The following MIPOL1 variants were observed in gnomAD, a reference collection of about 807,000 sequenced individuals.
The protein encoded by MIPOL1 is mirror-image polydactyly 1, also known as mirror-image polydactyly gene 1 protein.
Under a neutral mutation model 60.9 loss-of-function variants are expected in MIPOL1, and 57 were observed. The observed-to-expected ratio is 0.94, with a 90% CI of 0.76 to 1.17. The LOEUF (loss-of-function observed/expected upper bound fraction) is 1.17, where lower values mean the gene tolerates loss of function less well. Among genes scored for constraint, MIPOL1 ranks in the 50% most tolerant of loss-of-function variants. The pLI, the probability that MIPOL1 is intolerant of heterozygous loss-of-function variation, is 0.00. For missense variants in MIPOL1, 551 were observed against 511.6 expected (o/e 1.08, Z -0.74); for synonymous variants, 179 against 168.8 (o/e 1.06, Z -0.47).
At chr14:37,389,929 G>T (rs1458167523) in intron 10 of MIPOL1, among the ~76,000 whole-genome samples, 1 of 151,898 alleles carries the variant, frequency 6.6e-6, no homozygotes, top group Non-Finnish European at 1.5e-5. Flanking sequence ...GGCTGGGCAC[G>T]GTGGCTCACA....
chr14:37,422,505 C>T (rs2093890851), intron 10 of MIPOL1, among the ~76,000 whole-genome samples: 1 of 151,660 alleles, frequency 6.6e-6, no homozygotes, highest in Non-Finnish European at 1.5e-5. Context: ...TGTGAAACAC[C>T]CATTGTACTT....
At chr14:37,476,839 T>A (rs2094781836) in intron 11 of MIPOL1, among the ~76,000 whole-genome samples, 1 of 151,888 alleles carries the variant, frequency 6.6e-6, no homozygotes, top group Admixed American at 6.6e-5. Context: ...TAATATTTTG[T>A]TTAGGGTTTT....
intron 10 of MIPOL1, among the ~76,000 whole-genome samples, chr14:37,390,703 TAAC>T (rs2093212893): frequency 6.6e-6 from 1 of 151,962 alleles, no homozygotes; most frequent in Non-Finnish European, 1.5e-5. Flanking sequence ...GTAAACTAGA[TAAC>T]AAATCAACAG....
intron 9 of MIPOL1, among the ~76,000 whole-genome samples, chr14:37,336,908 G>A (rs529909767): frequency 1.3e-5 from 2 of 151,416 alleles, no homozygotes; most frequent in Non-Finnish European, 2.9e-5. Flanking sequence ...CTACAGTCAC[G>A]CACCACCACA....
At chr14:37,461,212 G>A (rs921809306) in intron 11 of MIPOL1, among the ~76,000 whole-genome samples, 13 of 152,146 alleles carry the variant, frequency 8.5e-5, no homozygotes, top group Non-Finnish European at 1.6e-4. Context: ...AAAAGAAAGA[G>A]GTTTTTGGAC....
chr14:37,500,449 G>C (rs1189348506), intron 12 of MIPOL1, among the ~76,000 whole-genome samples: 2 of 152,046 alleles, frequency 1.3e-5, no homozygotes, highest in South Asian at 4.2e-4. Flanking sequence ...TATTAGCAAG[G>C]GGAAGAGGCA....
chr14:37,358,094 G>C (rs1035930906), intron 9 of MIPOL1, among the ~76,000 whole-genome samples: 2 of 151,884 alleles, frequency 1.3e-5, no homozygotes, highest in African/African-American at 4.8e-5. Context: ...GCAGTGTTTG[G>C]TTTCCTGTCC....
intron 7 of MIPOL1, among the ~76,000 whole-genome samples, chr14:37,295,252 G>T (rs921097819): frequency 3.3e-5 from 5 of 152,154 alleles, no homozygotes; most frequent in Non-Finnish European, 7.3e-5. Context: ...ACAAGCAAAT[G>T]CTGAGAGATT....
At chr14:37,356,238 C>T (rs1189747915) in intron 9 of MIPOL1, among the ~76,000 whole-genome samples, 1 of 151,532 alleles carries the variant, frequency 6.6e-6, no homozygotes, top group Non-Finnish European at 1.5e-5. Context: ...GGGTCAGGGA[C>T]CCACTTGAGG....
At chr14:37,284,389 G>A (rs2084375752) in intron 6 of MIPOL1, among the ~76,000 whole-genome samples, 2 of 152,064 alleles carry the variant, frequency 1.3e-5, no homozygotes, top group African/African-American at 2.4e-5. Flanking sequence ...TGTTGCCCAG[G>A]CTGGAGTGCA....
chr14:37,303,654 G>C (rs1427247183), intron 7 of MIPOL1, among the ~76,000 whole-genome samples: 1 of 151,774 alleles, frequency 6.6e-6, no homozygotes, highest in Non-Finnish European at 1.5e-5. Context: ...GGAAGAATGG[G>C]AATGGGAGAA....
At chr14:37,223,606 G>A (rs1007808054) in intron 1 of MIPOL1, among the ~76,000 whole-genome samples, 15 of 151,982 alleles carry the variant, frequency 9.9e-5, no homozygotes, top group Non-Finnish European at 1.6e-4. Flanking sequence ...GGGTTCAAGC[G>A]ATTTTCCTGC....
intron 7 of MIPOL1, among the ~76,000 whole-genome samples, chr14:37,285,885 C>T (rs967607373): frequency 2.0e-5 from 3 of 152,072 alleles, no homozygotes; most frequent in African/African-American, 7.2e-5. Context: ...AGCCACCGCG[C>T]CCGGCCTCTC....
intron 6 of MIPOL1, chr14:37,278,677 A>G (rs2083861748): frequency 1.3e-5 from 2 of 151,858 alleles, no homozygotes; most frequent in African/African-American, 4.8e-5. Context: ...TTCCTGTGAA[A>G]TGTCTATCCT....
intron 11 of MIPOL1, among the ~76,000 whole-genome samples, chr14:37,452,241 C>T (rs1392857697): frequency 6.6e-6 from 1 of 152,078 alleles, no homozygotes; most frequent in African/African-American, 2.4e-5. Context: ...GGGACTCAGC[C>T]AAGTGTTATT....
At chr14:37,442,675 A>T (rs908445377) in intron 11 of MIPOL1, among the ~76,000 whole-genome samples, 37 of 151,656 alleles carry the variant, frequency 2.4e-4, no homozygotes, top group South Asian at 1.7e-3. Context: ...AATAAATAAA[A>T]AATTTAAAAA....
intron 11 of MIPOL1, among the ~76,000 whole-genome samples, chr14:37,466,256 T>G (rs1169093686): frequency 1.3e-5 from 2 of 152,216 alleles, no homozygotes; most frequent in African/African-American, 2.4e-5. Context: ...GTTTGGTGGT[T>G]GTTATTTTTC....
chr14:37,540,747 A>AACT (rs2095526464), intron 12 of MIPOL1, among the ~76,000 whole-genome samples: 1 of 152,236 alleles, frequency 6.6e-6, no homozygotes, highest in Admixed American at 6.5e-5. Context: ...TTTTACCTGA[A>AACT]ACTTGAATTT....
chr14:37,219,062 T>C (rs1445623604), intron 1 of MIPOL1, among the ~76,000 whole-genome samples: 1 of 152,128 alleles, frequency 6.6e-6, no homozygotes, highest in African/African-American at 2.4e-5. Flanking sequence ...TGGGTTCCCA[T>C]GAGCATAGGC....
Sources: allele counts gnomAD v4.1 joint callset (sites outside exome capture counted in the v4.1 genomes callset), GRCh38; gene constraint gnomAD v4.1.1; transcripts MANE v1.5; gene names NCBI Gene and HGNC (gene_info 2026-07-23, HGNC 2026-07-21).